The following BTBD9 variants were observed in gnomAD, a reference collection of about 807,000 sequenced individuals.
BTBD9 encodes BTB domain containing 9, also known as BTB/POZ domain-containing protein 9.
BTBD9 carries 49 observed loss-of-function variants against 64.3 expected under a neutral mutation model. The observed-to-expected ratio is 0.76, with a 90% CI of 0.61 to 0.97. The LOEUF (loss-of-function observed/expected upper bound fraction) is 0.97, where lower values mean the gene tolerates loss of function less well. Ranked by LOEUF, BTBD9 falls within the 50% of genes least tolerant of loss-of-function variation. The pLI is 0.00. For missense variants in BTBD9, 598 were observed against 762.1 expected, an observed-to-expected ratio of 0.78 and a Z score of 2.53; for synonymous variants, 260 against 274.7, an observed-to-expected ratio of 0.95 and a Z score of 0.53.
intron 3 of BTBD9, 53 bp from the exon 4 acceptor site, chr6:38,592,893 T>C: frequency 1.3e-6 from 2 of 1,569,554 alleles, no homozygotes; most frequent in Non-Finnish European, 1.7e-6. Flanking sequence ...AACCACTGCA[T>C]GACCAATCAG....
chr6:38,391,168 G>C (rs1454297669), intron 6 of BTBD9, among the ~76,000 whole-genome samples: 1 of 152,172 alleles, frequency 6.6e-6, no homozygotes, highest in Non-Finnish European at 1.5e-5. Flanking sequence ...ATTTGGGTGA[G>C]GAATGTGTGC....
chr6:38,637,434 T>C (rs1167560873), intron 1 of BTBD9, among the ~76,000 whole-genome samples: 2 of 152,234 alleles, frequency 1.3e-5, no homozygotes, highest in South Asian at 2.1e-4. Flanking sequence ...ATGTTATAAA[T>C]AAAGACCAAG....
chr6:38,504,575 T>C (rs569369428), intron 6 of BTBD9: 1 of 456,712 alleles, frequency 2.2e-6, no homozygotes, highest in Admixed American at 2.3e-5. Context: ...GCGGGTGAAA[T>C]GTGGATTTTT....
intron 6 of BTBD9, among the ~76,000 whole-genome samples, chr6:38,509,302 A>G (rs1444401451): frequency 6.6e-6 from 1 of 152,214 alleles, no homozygotes; most frequent in Non-Finnish European, 1.5e-5. Context: ...TGAAATTTCT[A>G]TTTTACTTTC....
chr6:38,396,072 C>G (rs972648291), intron 6 of BTBD9, among the ~76,000 whole-genome samples: 13 of 152,054 alleles, frequency 8.5e-5, no homozygotes, highest in African/African-American at 3.1e-4. Context: ...ATACACACAG[C>G]ATTTAAGATG....
intron 6 of BTBD9, among the ~76,000 whole-genome samples, chr6:38,425,759 A>C (rs1768114565): frequency 6.6e-6 from 1 of 151,466 alleles, no homozygotes; most frequent in African/African-American, 2.4e-5. Context: ...AACTAAAAAA[A>C]AAAAAAAATT....
intron 6 of BTBD9, among the ~76,000 whole-genome samples, chr6:38,472,955 A>C (rs1184032072): frequency 6.6e-6 from 1 of 152,244 alleles, no homozygotes. Flanking sequence ...TGTAAGCCTG[A>C]TACTATGGTT....
chr6:38,326,031 A>C (rs1001729618), intron 7 of BTBD9, among the ~76,000 whole-genome samples: 1 of 152,216 alleles, frequency 6.6e-6, no homozygotes, highest in Non-Finnish European at 1.5e-5. Context: ...CACATCTATA[A>C]GCATCATACT....
In BTBD9 at chr6:38,433,014, G is replaced by A. The variant is rs144565173; in HGVS notation, c.1155-87921C>T. Among the ~76,000 whole-genome samples the A allele has an allele frequency of 2.4e-3, 368 of 152,056 alleles. 1 individual carries two copies. The highest frequency in any genetic ancestry group is 4.1e-3 in the Non-Finnish European group (277 of 68,024). Reference sequence around the variant, plus strand: ...TTTCTTTATAAATTACCCAGTCTCAGATATTCTGTTATAGCAACAGAAAAC... The same window carrying A: ...TTTCTTTATAAATTACCCAGTCTCAAATATTCTGTTATAGCAACAGAAAAC... On this transcript the variant is annotated intron_variant, in intron 6 of 10. Transcript: ENST00000481247.
chr6:38,474,892 T>G lies in BTBD9; in HGVS notation c.1154+102708A>C, dbSNP rs146814370. ...TCCAAATGAAAGTAAAGTATACTTTTAAAAAATCTCAATCAGATAAATAAG... is the reference window on the plus strand; with the variant it reads ...TCCAAATGAAAGTAAAGTATACTTTGAAAAAATCTCAATCAGATAAATAAG... On this transcript the variant is annotated intron_variant, in intron 6 of 10. Coordinates refer to ENST00000481247, the MANE Select transcript of BTBD9 (RefSeq NM_001099272.2). Among the ~76,000 whole-genome samples, 315 of 152,240 alleles carry G rather than the reference T, an allele frequency of 2.1e-3. 7 individuals are homozygous for G. The highest frequency in any genetic ancestry group is 0.018 in the Admixed American group (275 of 15,300).
At position 38,256,434 on chromosome 6, in the gene BTBD9, C is replaced by T; in HGVS notation, c.1537G>A (p.Ala513Thr). 3 of 1,613,872 alleles carry T rather than the reference C, an allele frequency of 1.9e-6. No homozygotes were observed. The highest frequency in any genetic ancestry group is 2.5e-6 in the Non-Finnish European group (3 of 1,179,786). ...STNQQQWTMV[A>T]DRTKVSCKSW... ...TTGCAGGAGACTTTAGTTCTGTCAG[C>T]AACCATGGTCCACTGTTGCTGGTTG... Residue 513 changes from alanine (A) to threonine (T), a missense_variant, in exon 9 of 11, where the codon GCT becomes ACT. Physicochemically the swap from Ala to Thr is moderately conservative, Grantham distance 58 (BLOSUM62 0). Coordinates refer to ENST00000481247, the MANE Select transcript of BTBD9 (RefSeq NM_001099272.2).
intron 6 of BTBD9, among the ~76,000 whole-genome samples, chr6:38,378,823 G>A (rs938269702): frequency 8.1e-5 from 12 of 147,672 alleles, no homozygotes; most frequent in African/African-American, 2.0e-4. Flanking sequence ...GCAGTGAGCC[G>A]ATATGGCACT....
chr6:38,301,071 T>G (rs1248255589), intron 7 of BTBD9, among the ~76,000 whole-genome samples: 2 of 152,044 alleles, frequency 1.3e-5, no homozygotes, highest in African/African-American at 2.4e-5. Context: ...TAGCATGAAG[T>G]GTTGTTGAAT....
intron 6 of BTBD9, among the ~76,000 whole-genome samples, chr6:38,388,146 T>C (rs1766259072): frequency 6.6e-6 from 1 of 151,420 alleles, no homozygotes; most frequent in African/African-American, 2.4e-5. Context: ...AGACATCTGT[T>C]AGCACATCTG....
intron 4 of BTBD9, chr6:38,587,867 AAT>A (rs1229493936): frequency 2.2e-5 from 16 of 723,352 alleles, no homozygotes; most frequent in Non-Finnish European, 4.2e-5. Flanking sequence ...TGAAATAAAA[AAT>A]AATGTTACGT....
chr6:38,343,119 C>T (rs1336108293), intron 7 of BTBD9, among the ~76,000 whole-genome samples: 4 of 152,216 alleles, frequency 2.6e-5, no homozygotes, highest in African/African-American at 9.6e-5. Context: ...AACTTGTGAG[C>T]ACCATGGAAG....
chr6:38,395,900 G>A (rs1371186030), intron 6 of BTBD9, among the ~76,000 whole-genome samples: 3 of 152,034 alleles, frequency 2.0e-5, no homozygotes, highest in African/African-American at 4.8e-5. Context: ...TAGTAGAGAT[G>A]GGGTTTCACC....
At chr6:38,298,855 C>CTT (rs113386216) in intron 7 of BTBD9, among the ~76,000 whole-genome samples, 1,547 of 146,186 alleles carry the variant, frequency 0.011, 25 homozygotes, top group African/African-American at 0.037. Flanking sequence ...GTATTTCATT[C>CTT]TTTTTTTTTT....
At chr6:38,471,194 C>T (rs189742907) in intron 6 of BTBD9, among the ~76,000 whole-genome samples, 4 of 152,210 alleles carry the variant, frequency 2.6e-5, no homozygotes, top group African/African-American at 7.2e-5. Context: ...CCTTAACATA[C>T]CCTTGAAAAG....
Sources: gnomAD v4.1 joint callset for allele counts (sites outside exome capture counted in the v4.1 genomes callset) on GRCh38, gnomAD v4.1.1 for gene constraint, MANE v1.5 for transcripts, NCBI Gene and HGNC (gene_info 2026-07-23, HGNC 2026-07-21) for gene names.